Variants in TACC2 observed in about 807,000 individuals in gnomAD.
The protein encoded by TACC2 is transforming acidic coiled-coil-containing protein 2.
TACC2 carries 137 observed loss-of-function variants against 227.3 expected under a neutral mutation model. The observed-to-expected ratio is 0.60, with a 90% CI of 0.52 to 0.69. The LOEUF (loss-of-function observed/expected upper bound fraction) is 0.69. Among genes scored for constraint, TACC2 ranks in the 30% least tolerant of loss-of-function variants. TACC2 has a pLI of 0.00. For synonymous variants in TACC2, 1,523 were observed against 1,487.5 expected, an observed-to-expected ratio of 1.02 and a Z score of -0.55; for missense variants, 3,470 against 3,694.4, an observed-to-expected ratio of 0.94 and a Z score of 1.57.
At chr10:122,026,333 A>G (rs933215749) in intron 2 of TACC2, among the ~76,000 whole-genome samples, 12 of 151,248 alleles carry the variant, frequency 7.9e-5, no homozygotes, top group Admixed American at 2.0e-4. Context: ...AAAAAAAAAA[A>G]AAAGTATAAT....
intron 5 of TACC2, among the ~76,000 whole-genome samples, chr10:122,119,924 A>T (rs1592232926): frequency 9.8e-4 from 1 of 1,022 alleles, no homozygotes; most frequent in Non-Finnish European, 8.9e-3. Context: ...TTCTCAAAAG[A>T]AAAAAAAAAA....
Position 122,087,398 on chromosome 10 carries a change from C to T in TACC2, c.4898C>T (p.Ala1633Val), listed in dbSNP as rs1294100754. The T allele has an allele frequency of 1.2e-6, 2 of 1,613,908 alleles. No homozygotes were observed. The highest frequency in any genetic ancestry group is 1.7e-6 in the Non-Finnish European group (2 of 1,180,032). ...GGACATGTGCCAAGGTCCACGTGTG[C>T]CCCTTCTCCTCAGAGGGAGGTTTTG... Reference protein sequence around the residue: ...VPGHVPRSTCAPSPQREVLTV... With the variant: ...VPGHVPRSTCVPSPQREVLTV... The change falls in exon 4 of 23, where the codon GCC becomes GTC. Residue 1633 changes from alanine to valine, a missense_variant. Physicochemically the swap from Ala to Val is moderately conservative, Grantham distance 64. Coordinates refer to ENST00000369005, the MANE Select transcript of TACC2 (RefSeq NM_206862.4).
intron 7 of TACC2, among the ~76,000 whole-genome samples, chr10:122,189,441 G>A (rs545697618): frequency 1.3e-5 from 2 of 152,234 alleles, no homozygotes; most frequent in South Asian, 2.1e-4. Context: ...GGCTTTCCCC[G>A]ACCAGGGCTT....
At chr10:122,240,904 T>G (rs2095978016) in intron 18 of TACC2, among the ~76,000 whole-genome samples, 1 of 152,196 alleles carries the variant, frequency 6.6e-6, no homozygotes. Flanking sequence ...GTGCAGTTAC[T>G]GTCTATTGAG....
chr10:122,169,226 G>T (rs1316264283), intron 7 of TACC2, among the ~76,000 whole-genome samples: 1 of 152,246 alleles, frequency 6.6e-6, no homozygotes, highest in Admixed American at 6.5e-5. Flanking sequence ...GGATGCTGCA[G>T]TGTTGAAGCC....
intron 9 of TACC2, among the ~76,000 whole-genome samples, chr10:122,213,819 C>T (rs929384922): frequency 6.6e-6 from 1 of 152,238 alleles, no homozygotes; most frequent in Non-Finnish European, 1.5e-5. Flanking sequence ...TTCTTGCTAA[C>T]ATGTAAAGCA....
chr10:122,108,180 T>C (rs370226384), intron 5 of TACC2, among the ~76,000 whole-genome samples: 3 of 151,912 alleles, frequency 2.0e-5, no homozygotes, highest in East Asian at 1.9e-4. Flanking sequence ...CGTGAGCCAC[T>C]GTGCCCGGCC....
chr10:122,005,760 C>G (rs1165353442), intron 1 of TACC2, among the ~76,000 whole-genome samples: 1 of 149,234 alleles, frequency 6.7e-6, no homozygotes, highest in Non-Finnish European at 1.5e-5. Flanking sequence ...ATAGCACGAC[C>G]TTGGCTTACT....
intron 6 of TACC2, among the ~76,000 whole-genome samples, chr10:122,139,501 T>C (rs1490924695): frequency 6.6e-6 from 1 of 152,206 alleles, no homozygotes; most frequent in Non-Finnish European, 1.5e-5. Flanking sequence ...ACGCCTGTTC[T>C]ATCTCCCATT....
rs146427326 is a variant in TACC2 at position 122,027,904 on chromosome 10, C to T, written c.33+5890C>T. Among the ~76,000 whole-genome samples the T allele has an allele frequency of 2.0e-3, 297 of 151,788 alleles. 3 individuals carry two copies. Among genetic ancestry groups the T allele is most frequent in the East Asian group, 0.02 (100 of 5,128 alleles). On this transcript the variant is annotated intron_variant, in intron 2 of 22. Coordinates refer to ENST00000369005, the MANE Select transcript of TACC2 (RefSeq NM_206862.4). ...GACTACAGGCGCCTGTCACCATGCC[C>T]AGCTAATTTTTTGTATTTTTAGTAG...
At chr10:122,151,108 T>C (rs1458693287) in intron 7 of TACC2, among the ~76,000 whole-genome samples, 1 of 152,158 alleles carries the variant, frequency 6.6e-6, no homozygotes, top group East Asian at 1.9e-4. Flanking sequence ...AGGCATTGAA[T>C]TCACATTCCC....
Position 121,998,326 on chromosome 10 carries a change from A to G in TACC2, c.-46+8838A>G, listed in dbSNP as rs561395610. On this transcript the variant is annotated intron_variant, in intron 1 of 22. Transcript: ENST00000369005. The stretch of plus-strand genomic sequence containing the variant: ...GACCACGTTCTCAAAAAAAAAAAAA[A>G]AAAAAAGGAAGACTCCTTTTTGGGG... 3.3e-5 allele frequency among the ~76,000 whole-genome samples: 5 copies of G among 151,834 alleles called. No individual in the cohort carries two copies. In the East Asian group the frequency reaches 9.7e-4, roughly 29 times the overall value.
chr10:122,029,005 C>T (rs1337956891), intron 2 of TACC2, among the ~76,000 whole-genome samples: 6 of 73,130 alleles, frequency 8.2e-5, no homozygotes, highest in Admixed American at 3.8e-4. Context: ...CCCCTCCCCT[C>T]CCCTCCCCTT....
chr10:122,091,973 A>G (rs1423909541), intron 5 of TACC2, among the ~76,000 whole-genome samples: 5 of 152,224 alleles, frequency 3.3e-5, no homozygotes, highest in African/African-American at 1.2e-4. Context: ...TACCTGCCTC[A>G]AAGAATTGCC....
intron 8 of TACC2, among the ~76,000 whole-genome samples, chr10:122,196,056 G>A (rs1313928757): frequency 1.3e-5 from 2 of 152,182 alleles, no homozygotes; most frequent in African/African-American, 4.8e-5. Flanking sequence ...GGGCCCCCTC[G>A]TCCCCTTCTC....
intron 2 of TACC2, among the ~76,000 whole-genome samples, chr10:122,026,162 C>CAAA (rs777120162): frequency 1.0e-5 from 1 of 96,110 alleles, no homozygotes. Flanking sequence ...ACTAAAAATC[C>CAAA]AAAAAAAAAA....
chr10:122,085,453 T>C lies in TACC2; in HGVS notation c.2953T>C (p.Cys985Arg). Reference sequence around the variant, plus strand: ...GAACTTCAGCAGAAAGGAAACTTGCTGCACTGGGCAGGGGCCAAACAAGTC... The same window carrying C: ...GAACTTCAGCAGAAAGGAAACTTGCCGCACTGGGCAGGGGCCAAACAAGTC... Reference protein sequence around the residue: ...AGNFSRKETCCTGQGPNKSQQ... With the variant: ...AGNFSRKETCRTGQGPNKSQQ... The change falls in exon 4 of 23, where the codon TGC (cysteine) becomes CGC (arginine). Residue 985 changes from cysteine to arginine, a missense_variant. Coordinates refer to ENST00000369005, the MANE Select transcript of TACC2 (RefSeq NM_206862.4). 1 of 1,613,816 alleles carries C rather than the reference T, an allele frequency of 6.2e-7. No homozygotes were observed. The highest frequency in any genetic ancestry group is 2.2e-5 in the East Asian group (1 of 44,888).
intron 8 of TACC2, among the ~76,000 whole-genome samples, chr10:122,202,013 C>CTTTTTT (rs767544440): frequency 9.8e-6 from 1 of 102,352 alleles, no homozygotes; most frequent in African/African-American, 3.5e-5. Flanking sequence ...TCTTCTTTAG[C>CTTTTTT]TTTTTTTTTT....
intron 5 of TACC2, among the ~76,000 whole-genome samples, chr10:122,112,367 G>A (rs2138049656): frequency 6.6e-6 from 1 of 152,296 alleles, no homozygotes; most frequent in South Asian, 2.1e-4. Context: ...ATAACTCCTA[G>A]AAATATGGCA....
Sources: gnomAD v4.1 joint callset for allele counts (sites outside exome capture counted in the v4.1 genomes callset) on GRCh38, gnomAD v4.1.1 for gene constraint, MANE v1.5 for transcripts, NCBI Gene and HGNC (gene_info 2026-07-23, HGNC 2026-07-21) for gene names.